The following ADGRB3 variants were observed in gnomAD, a reference collection of about 807,000 sequenced individuals.
ADGRB3 encodes adhesion G protein-coupled receptor B3.
Under a neutral mutation model 193.4 loss-of-function variants are expected in ADGRB3, and 37 were observed. The observed-to-expected ratio is 0.19, with a 90% confidence interval of 0.15 to 0.25. The LOEUF (loss-of-function observed/expected upper bound fraction) is 0.25. ADGRB3 is among the 10% of genes least tolerant of loss of function. The pLI, the probability that ADGRB3 is intolerant of heterozygous loss-of-function variation, is 1.00. For missense variants in ADGRB3, 1,637 were observed against 1,852.9 expected (o/e 0.88, Z 2.14); for synonymous variants, 690 against 644.2 (o/e 1.07, Z -1.08).
At chr6:69,036,971 T>C (rs1471990640) in intron 13 of ADGRB3, among the ~76,000 whole-genome samples, 1 of 152,132 alleles carries the variant, frequency 6.6e-6, no homozygotes, top group Non-Finnish European at 1.5e-5. Context: ...AGGAGTAGAA[T>C]AAAGAAAGCC....
chr6:68,895,764 T>G (rs1412709330), intron 3 of ADGRB3, among the ~76,000 whole-genome samples: 1 of 151,998 alleles, frequency 6.6e-6, no homozygotes, highest in African/African-American at 2.4e-5. Context: ...GAATGGAAAC[T>G]GGGAATTCAC....
chr6:69,372,544 T>C (rs1028527582), intron 30 of ADGRB3, 103 bp downstream of exon 30: 1 of 469,570 alleles, frequency 2.1e-6, no homozygotes. Flanking sequence ...AAGGGTATTA[T>C]GTACTAATTT....
chr6:68,728,734 G>A (rs541310872), intron 3 of ADGRB3, among the ~76,000 whole-genome samples: 4 of 151,466 alleles, frequency 2.6e-5, no homozygotes, highest in African/African-American at 9.7e-5. Flanking sequence ...AAACACAAAG[G>A]TTAAGTAATT....
At chr6:68,905,260 T>C (rs938095182) in intron 3 of ADGRB3, among the ~76,000 whole-genome samples, 9 of 152,188 alleles carry the variant, frequency 5.9e-5, no homozygotes, top group Admixed American at 5.2e-4. Context: ...GGTACACATA[T>C]AAGGTCACCT....
At chr6:68,640,181 A>G (rs1004156449) in intron 3 of ADGRB3, among the ~76,000 whole-genome samples, 2 of 152,058 alleles carry the variant, frequency 1.3e-5, no homozygotes, top group African/African-American at 4.8e-5. Context: ...TTAAGACCCC[A>G]TCCTCCTCTT....
chr6:69,177,436 A>C (rs1448359481), intron 17 of ADGRB3, among the ~76,000 whole-genome samples: 1 of 151,956 alleles, frequency 6.6e-6, no homozygotes, highest in Non-Finnish European at 1.5e-5. Flanking sequence ...GGCTCACTGC[A>C]AGCTCTGCCT....
chr6:68,980,000 G>T (rs1768861675), intron 10 of ADGRB3, among the ~76,000 whole-genome samples: 4 of 151,382 alleles, frequency 2.6e-5, no homozygotes, highest in Admixed American at 2.6e-4. Flanking sequence ...GCATACCAAT[G>T]CTTTCTCCTA....
rs376439916 is a variant in ADGRB3, at chr6:69,169,757, G to A, written c.2481-63533G>A. Among the ~76,000 whole-genome samples the A allele has an allele frequency of 1.2e-3, 189 of 152,234 alleles. 2 individuals are homozygous for A. In the South Asian group the frequency reaches 0.031, roughly 25 times the overall value. ...ATAACTATTGGTTCCCAATTTAAGT[G>A]CTCAGGAATATTCAACCATTTCTAA... On this transcript the variant is annotated intron_variant, in intron 17 of 31. Transcript: ENST00000370598.
At chr6:69,281,275 T>G (rs1203833557) in intron 20 of ADGRB3, among the ~76,000 whole-genome samples, 1 of 152,212 alleles carries the variant, frequency 6.6e-6, no homozygotes, top group African/African-American at 2.4e-5. Context: ...ACTATCAGGC[T>G]CTTGCCCACA....
intron 20 of ADGRB3, among the ~76,000 whole-genome samples, chr6:69,307,184 G>A (rs758141797): frequency 3.3e-5 from 5 of 150,788 alleles, no homozygotes; most frequent in East Asian, 2.0e-4. Context: ...GCTCCTTTTC[G>A]TTGACTGTTT....
chr6:69,072,490 G>A (rs1262909564), intron 16 of ADGRB3, among the ~76,000 whole-genome samples: 2 of 152,062 alleles, frequency 1.3e-5, no homozygotes, highest in Non-Finnish European at 2.9e-5. Flanking sequence ...TGATAAAAAG[G>A]AAAGAAGTAT....
chr6:68,799,493 G>A (rs575786472), intron 3 of ADGRB3, among the ~76,000 whole-genome samples: 1 of 152,034 alleles, frequency 6.6e-6, no homozygotes, highest in East Asian at 1.9e-4. Flanking sequence ...CATAAAACAA[G>A]TTCTCTGTTC....
At chr6:68,756,704 A>G (rs1223743445) in intron 3 of ADGRB3, among the ~76,000 whole-genome samples, 1 of 152,118 alleles carries the variant, frequency 6.6e-6, no homozygotes, top group Non-Finnish European at 1.5e-5. Context: ...TGTTGGAGGA[A>G]GTTGCTGTGA....
intron 17 of ADGRB3, among the ~76,000 whole-genome samples, chr6:69,198,489 A>G (rs1036563558): frequency 1.3e-5 from 2 of 152,092 alleles, no homozygotes; most frequent in Non-Finnish European, 2.9e-5. Context: ...GGATAAGGTG[A>G]TGGGGAAGGC....
At chr6:69,036,742 G>C (rs908880472) in intron 13 of ADGRB3, among the ~76,000 whole-genome samples, 2 of 152,124 alleles carry the variant, frequency 1.3e-5, no homozygotes, top group Non-Finnish European at 2.9e-5. Context: ...TGGTAGAAAA[G>C]ATCTGTGCAT....
intron 13 of ADGRB3, among the ~76,000 whole-genome samples, chr6:69,040,695 A>AAC (rs1771034483): frequency 1.4e-5 from 2 of 145,900 alleles, no homozygotes; most frequent in Admixed American, 6.9e-5. Context: ...AAAAAAAAAA[A>AAC]AAAAAAAAAA....
chr6:69,134,472 T>A (rs902323401), intron 17 of ADGRB3, among the ~76,000 whole-genome samples: 1 of 152,102 alleles, frequency 6.6e-6, no homozygotes, highest in African/African-American at 2.4e-5. Context: ...GAACCATAGC[T>A]TTTACTTCCC....
At position 69,047,067 on chromosome 6, in the gene ADGRB3, G is replaced by A. The variant is rs528332486; in HGVS notation, c.2108-1118G>A. Among the ~76,000 whole-genome samples, 21 of 152,216 alleles carry A rather than the reference G, an allele frequency of 1.4e-4. No homozygotes were observed. The South Asian group carries it at 4.4e-3, about 32-fold the overall frequency. ...GTAGAGATGGGGTTTCACCATGTTA[G>A]CCAGGATGGTCTCGATCTCCTGACC... On this transcript the variant is annotated intron_variant, in intron 13 of 31. Transcript: ENST00000370598.
intron 20 of ADGRB3, among the ~76,000 whole-genome samples, chr6:69,266,631 C>T (rs72913035): frequency 0.05 from 7,542 of 152,094 alleles, 230 homozygotes; most frequent in Non-Finnish European, 0.072. Context: ...AAAGCCACTT[C>T]ACATATCTGT....
Sources: allele counts gnomAD v4.1 joint callset (sites outside exome capture counted in the v4.1 genomes callset), GRCh38; gene constraint gnomAD v4.1.1; transcripts MANE v1.5; gene names NCBI Gene and HGNC (gene_info 2026-07-23, HGNC 2026-07-21).